RARB: variants seen among roughly 807,000 people sequenced by gnomAD.
The protein encoded by RARB is HBV-activated protein.
RARB carries 17 observed loss-of-function variants against 51.9 expected under a neutral mutation model. The observed-to-expected ratio is 0.33, with a 90% CI of 0.22 to 0.49. The LOEUF (loss-of-function observed/expected upper bound fraction) is 0.49. Ranked by LOEUF, RARB falls within the 20% of genes least tolerant of loss-of-function variation. The probability of loss-of-function intolerance (pLI) is 0.99; values close to 1 mark genes in which losing one functional copy is unlikely to be tolerated. For missense variants in RARB, 369 were observed against 550.8 expected (o/e 0.67, Z 3.30); for synonymous variants, 215 against 195.4 (o/e 1.10, Z -0.84).
intron 5 of RARB, among the ~76,000 whole-genome samples, chr3:25,262,650 C>T (rs1224783052): frequency 6.6e-6 from 1 of 152,138 alleles, no homozygotes; most frequent in Non-Finnish European, 1.5e-5. Context: ...ATCTATTGTT[C>T]TGCTTTCCTC....
chr3:25,000,116 T>A (rs560848066), intron 2 of RARB, among the ~76,000 whole-genome samples: 2 of 152,118 alleles, frequency 1.3e-5, no homozygotes, highest in African/African-American at 4.8e-5. Flanking sequence ...AAAGGTGTTA[T>A]GTTTACAGAA....
chr3:25,587,502 A>C (rs1701440149), intron 5 of RARB, among the ~76,000 whole-genome samples: 1 of 152,228 alleles, frequency 6.6e-6, no homozygotes, highest in African/African-American at 2.4e-5. Context: ...TTATTAAAAT[A>C]ATTCCATCTA....
At chr3:24,937,301 C>T (rs930141432) in intron 2 of RARB, among the ~76,000 whole-genome samples, 6 of 152,220 alleles carry the variant, frequency 3.9e-5, no homozygotes, top group Non-Finnish European at 8.8e-5. Context: ...TTAGAGAATT[C>T]GCTTCTATGT....
At chr3:25,223,200 C>G (rs1701983998) in intron 5 of RARB, among the ~76,000 whole-genome samples, 1 of 152,152 alleles carries the variant, frequency 6.6e-6, no homozygotes, top group Non-Finnish European at 1.5e-5. Flanking sequence ...CACTCAGTTC[C>G]TTTCTGTCAC....
intron 1 of RARB, among the ~76,000 whole-genome samples, chr3:24,841,807 G>A (rs1465462433): frequency 2.6e-5 from 4 of 152,068 alleles, no homozygotes; most frequent in African/African-American, 9.7e-5. Context: ...TTTAAAAATA[G>A]CATATACACA....
At chr3:24,933,133 C>A (rs1695475649) in intron 2 of RARB, among the ~76,000 whole-genome samples, 1 of 151,732 alleles carries the variant, frequency 6.6e-6, no homozygotes, top group African/African-American at 2.4e-5. Context: ...TGTTTATTTC[C>A]CTGTAATATG....
intron 3 of RARB, among the ~76,000 whole-genome samples, chr3:25,115,663 C>CCTTTCCTTTCCT (rs1280249252): frequency 7.0e-6 from 1 of 142,724 alleles, no homozygotes; most frequent in Non-Finnish European, 1.5e-5. Context: ...TTTTTCCTTT[C>CCTTTCCTTTCCT]CTTTCCTTTC....
At chr3:25,198,160 A>G (rs950823380) in intron 5 of RARB, among the ~76,000 whole-genome samples, 1 of 152,092 alleles carries the variant, frequency 6.6e-6, no homozygotes, top group African/African-American at 2.4e-5. Flanking sequence ...GCTGCCAACA[A>G]CATACATTTT....
chr3:25,559,064 T>G (rs995517347), intron 3 of RARB, among the ~76,000 whole-genome samples: 1 of 152,170 alleles, frequency 6.6e-6, no homozygotes, highest in Non-Finnish European at 1.5e-5. Context: ...GAATGTTTTT[T>G]CCTCCCCTTT....
At chr3:25,374,482 G>C (rs1302432200) in intron 5 of RARB, among the ~76,000 whole-genome samples, 9 of 152,082 alleles carry the variant, frequency 5.9e-5, no homozygotes, top group Non-Finnish European at 1.2e-4. Context: ...AGGGTGAAGG[G>C]AACAGTTACC....
intron 5 of RARB, among the ~76,000 whole-genome samples, chr3:25,405,734 G>A (rs1707388690): frequency 6.6e-6 from 1 of 152,246 alleles, no homozygotes; most frequent in South Asian, 2.1e-4. Flanking sequence ...GGCTAATGAT[G>A]CATTATTATA....
chr3:25,246,893 C>T (rs1052362059), intron 5 of RARB, among the ~76,000 whole-genome samples: 4 of 152,288 alleles, frequency 2.6e-5, no homozygotes, highest in Admixed American at 6.5e-5. Flanking sequence ...CAAGCAGAAA[C>T]GTTTAAGTCT....
chr3:25,345,860 C>G lies in RARB; in HGVS notation c.179-115333C>G, dbSNP rs904090479. ...TAAGAGACACCTCCAAAATTCATTT[C>G]TTAAAACAACCACCACTAAATATGT... On this transcript the variant is annotated intron_variant, in intron 5 of 11. Transcript: ENST00000383772. The G allele has an allele frequency of 7.7e-6, 7 of 906,224 alleles. No individual in the cohort carries two copies. The African/African-American group carries it at 9.0e-5, about 12-fold the overall frequency. 56.1% of individuals were successfully genotyped at this position (906,224 alleles called of 1,614,324 possible). A position where few individuals can be genotyped will look rare whatever the true frequency, so the allele number is the denominator to read the frequency against.
chr3:24,863,381 T>C (rs528168585), intron 2 of RARB, among the ~76,000 whole-genome samples: 1 of 152,324 alleles, frequency 6.6e-6, no homozygotes, highest in East Asian at 1.9e-4. Flanking sequence ...TAAACAGTGA[T>C]ACTGTGTGAA....
intron 2 of RARB, among the ~76,000 whole-genome samples, chr3:24,928,773 G>A (rs943431719): frequency 6.6e-6 from 1 of 151,990 alleles, no homozygotes; most frequent in African/African-American, 2.4e-5. Context: ...CCAATGATAA[G>A]ATCATTTTTC....
chr3:25,356,622 A>C (rs55702004), intron 5 of RARB, among the ~76,000 whole-genome samples: 1 of 151,878 alleles, frequency 6.6e-6, no homozygotes, highest in East Asian at 1.9e-4. Flanking sequence ...CCATCAACCC[A>C]TCATCTACAT....
intron 5 of RARB, among the ~76,000 whole-genome samples, chr3:25,421,567 A>G (rs1161292223): frequency 1.3e-5 from 2 of 151,678 alleles, no homozygotes; most frequent in Non-Finnish European, 2.9e-5. Flanking sequence ...GCGTGCCACC[A>G]TGCCCGGCTA....
At chr3:25,058,069 T>C (rs1207632913) in intron 2 of RARB, among the ~76,000 whole-genome samples, 2 of 152,006 alleles carry the variant, frequency 1.3e-5, no homozygotes, top group Non-Finnish European at 2.9e-5. Context: ...CTTTAGAGCA[T>C]AAACTTCCTG....
intron 2 of RARB, among the ~76,000 whole-genome samples, chr3:25,007,604 AC>A (rs34100381): frequency 0.21 from 27,230 of 132,806 alleles, 6,433 homozygotes; most frequent in East Asian, 0.39. Context: ...AAAAAAAAAA[AC>A]AAAAAAACCT....
Sources: allele counts gnomAD v4.1 joint callset (sites outside exome capture counted in the v4.1 genomes callset), GRCh38; gene constraint gnomAD v4.1.1; transcripts MANE v1.5; gene names NCBI Gene and HGNC (gene_info 2026-07-23, HGNC 2026-07-21).